Variants in NRXN3 observed in about 807,000 individuals in gnomAD.
NRXN3 encodes the protein neurexin III.
NRXN3 carries 32 observed loss-of-function variants against 137.6 expected under a neutral mutation model. The observed-to-expected ratio is 0.23, with a 90% CI of 0.18 to 0.31. The LOEUF is 0.31. Ranked by LOEUF, NRXN3 falls within the 10% of genes least tolerant of loss-of-function variation. The pLI, the probability that NRXN3 is intolerant of heterozygous loss-of-function variation, is 1.00. For synonymous variants in NRXN3, 798 were observed against 784.5 expected (o/e 1.02, Z -0.29); for missense variants, 1,574 against 2,062.5 (o/e 0.76, Z 4.59).
intron 15 of NRXN3, among the ~76,000 whole-genome samples, chr14:79,257,003 T>G (rs1658047838): frequency 6.6e-6 from 1 of 152,142 alleles, no homozygotes; most frequent in Non-Finnish European, 1.5e-5. Context: ...CAAGAGATTT[T>G]GGCTGCTGTC....
intron 10 of NRXN3, among the ~76,000 whole-genome samples, chr14:78,872,772 T>C (rs1203441332): frequency 6.6e-6 from 1 of 152,194 alleles, no homozygotes; most frequent in Non-Finnish European, 1.5e-5. Context: ...GTTTTCTCTC[T>C]GTGCGTTTTC....
chr14:79,532,113 A>G (rs901243991), intron 16 of NRXN3, among the ~76,000 whole-genome samples: 1 of 152,056 alleles, frequency 6.6e-6, no homozygotes, highest in Non-Finnish European at 1.5e-5. Context: ...TCTCTTCTCA[A>G]TGTTCTGAAA....
chr14:78,700,246 T>A (rs913963451), intron 6 of NRXN3, among the ~76,000 whole-genome samples: 1 of 152,198 alleles, frequency 6.6e-6, no homozygotes, highest in African/African-American at 2.4e-5. Context: ...ATATAGCTAA[T>A]CAATTCATAT....
intron 15 of NRXN3, among the ~76,000 whole-genome samples, chr14:79,173,292 G>A (rs1373695264): frequency 1.3e-5 from 2 of 151,992 alleles, no homozygotes; most frequent in Non-Finnish European, 2.9e-5. Context: ...CACTTTGTAA[G>A]GCCAATGTGG....
intron 1 of NRXN3, among the ~76,000 whole-genome samples, chr14:78,221,209 G>A (rs1426075333): frequency 6.6e-6 from 1 of 151,976 alleles, no homozygotes; most frequent in Non-Finnish European, 1.5e-5. Flanking sequence ...AGTATGGGAG[G>A]GATGATAGAC....
chr14:78,332,287 C>T lies in NRXN3; in HGVS notation c.757+34427C>T, dbSNP rs116237822. Among the ~76,000 whole-genome samples, 1,117 of 151,382 alleles carry T rather than the reference C, an allele frequency of 7.4e-3. 12 individuals are homozygous for T. The highest frequency in any genetic ancestry group is 0.026 in the African/African-American group (1,072 of 41,228). ...ATTGTTGCCCTCTTTGCCTTTGGCC[C>T]CTATCTTTTACCATATTTTCTTTTC... On this transcript the variant is annotated intron_variant, in intron 4 of 20. Transcript: ENST00000335750.
chr14:78,950,429 C>T (rs1344152325), intron 10 of NRXN3, among the ~76,000 whole-genome samples: 1 of 152,106 alleles, frequency 6.6e-6, no homozygotes, highest in Non-Finnish European at 1.5e-5. Flanking sequence ...TTGAGATGCT[C>T]CATTCTCTCA....
At chr14:79,816,610 T>C (rs937112239) in intron 20 of NRXN3, among the ~76,000 whole-genome samples, 1 of 152,232 alleles carries the variant, frequency 6.6e-6, no homozygotes, top group Non-Finnish European at 1.5e-5. Flanking sequence ...ATTCTGTCCC[T>C]TGAGCTTTGG....
chr14:78,492,710 A>G (rs2095692456), intron 4 of NRXN3, among the ~76,000 whole-genome samples: 1 of 152,152 alleles, frequency 6.6e-6, no homozygotes, highest in Non-Finnish European at 1.5e-5. Flanking sequence ...TGGGTGGATA[A>G]TATCATTAAG....
chr14:79,414,305 G>A (rs907409820), intron 15 of NRXN3, among the ~76,000 whole-genome samples: 4 of 152,134 alleles, frequency 2.6e-5, no homozygotes, highest in African/African-American at 7.2e-5. Flanking sequence ...CCATCTGGGC[G>A]CTGATACTGT....
intron 19 of NRXN3, among the ~76,000 whole-genome samples, chr14:79,786,407 A>G (rs754628920): frequency 3.3e-5 from 5 of 152,222 alleles, no homozygotes; most frequent in African/African-American, 4.8e-5. Context: ...CTTAGATTTC[A>G]TTTGGACCTA....
intron 16 of NRXN3, among the ~76,000 whole-genome samples, chr14:79,515,991 G>A (rs1377937495): frequency 2.0e-5 from 3 of 152,120 alleles, no homozygotes; most frequent in Non-Finnish European, 4.4e-5. Flanking sequence ...GAGCCAACAG[G>A]GAAAGGGCCT....
rs73323333 is a variant in NRXN3 at position 78,909,296 on chromosome 14, A to G, written c.2276-47946A>G. On this transcript the variant is annotated intron_variant, in intron 10 of 20. Coordinates refer to ENST00000335750, the MANE Select transcript of NRXN3 (RefSeq NM_001330195.2). ...GCTACCAAGAGCAGGAAGTGGTCCA[A>G]TCAAAGCAAAAGCAGACTGGTCAAG... 8.6e-3 allele frequency among the ~76,000 whole-genome samples: 1,304 copies of G among 152,302 alleles called. 23 individuals are homozygous for G. The highest frequency in any genetic ancestry group is 0.03 in the African/African-American group (1,230 of 41,578).
At chr14:79,488,513 G>A (rs1342989178) in intron 16 of NRXN3, among the ~76,000 whole-genome samples, 1 of 152,160 alleles carries the variant, frequency 6.6e-6, no homozygotes, top group Non-Finnish European at 1.5e-5. Flanking sequence ...ACGCATGGGA[G>A]CAGAAGTGGA....
At chr14:79,456,838 T>C (rs1029193383) in intron 15 of NRXN3, among the ~76,000 whole-genome samples, 3 of 151,934 alleles carry the variant, frequency 2.0e-5, no homozygotes, top group African/African-American at 4.8e-5. Context: ...ATATAGATTA[T>C]AAAAACTAGG....
intron 15 of NRXN3, among the ~76,000 whole-genome samples, chr14:79,249,787 G>T (rs1392035577): frequency 6.6e-6 from 1 of 152,196 alleles, no homozygotes; most frequent in African/African-American, 2.4e-5. Context: ...AGTGGGCAGA[G>T]AAGGAAAGGA....
chr14:79,293,528 G>A (rs2083527733), intron 15 of NRXN3, among the ~76,000 whole-genome samples: 1 of 152,242 alleles, frequency 6.6e-6, no homozygotes. Flanking sequence ...CAGCTTCGCT[G>A]TTTAGTCTCT....
intron 15 of NRXN3, among the ~76,000 whole-genome samples, chr14:79,197,446 T>C (rs1258055307): frequency 6.6e-6 from 1 of 152,208 alleles, no homozygotes; most frequent in Admixed American, 6.5e-5. Context: ...AGAGTCTTAG[T>C]AAATTGACCA....
chr14:79,390,376 A>T (rs1484521824), intron 15 of NRXN3, among the ~76,000 whole-genome samples: 1 of 151,210 alleles, frequency 6.6e-6, no homozygotes, highest in Non-Finnish European at 1.5e-5. Context: ...GTCATTCTTC[A>T]TCTCTCCTTT....
Sources: allele counts gnomAD v4.1 joint callset (sites outside exome capture counted in the v4.1 genomes callset), GRCh38; gene constraint gnomAD v4.1.1; transcripts MANE v1.5; gene names NCBI Gene and HGNC (gene_info 2026-07-23, HGNC 2026-07-21).